NIBAN3: variants seen among roughly 807,000 people sequenced by gnomAD.
NIBAN3 encodes the protein niban apoptosis regulator 3.
Under a neutral mutation model 76.4 loss-of-function variants are expected in NIBAN3, and 66 were observed. The ratio of observed to expected loss-of-function variants is 0.86; its 90% CI spans 0.71 to 1.06. The LOEUF (loss-of-function observed/expected upper bound fraction) is 1.06, where lower values mean the gene tolerates loss of function less well. Ranked by LOEUF, NIBAN3 falls within the 50% of genes least tolerant of loss-of-function variation. NIBAN3 has a pLI of 0.00. For synonymous variants in NIBAN3, 360 were observed against 355.2 expected (o/e 1.01, Z -0.15); for missense variants, 808 against 810.7 (o/e 1.00, Z 0.04).
intron 13 of NIBAN3, among the ~76,000 whole-genome samples, chr19:17,547,026 C>G (rs1004093789): frequency 6.6e-6 from 1 of 152,036 alleles, no homozygotes; most frequent in Admixed American, 6.6e-5. Flanking sequence ...TATAGGAGTT[C>G]TCAGGATGAG....
chr19:17,543,705 C>A, intron 12 of NIBAN3, 74 bp downstream of exon 12: 1 of 1,323,310 alleles, frequency 7.6e-7, no homozygotes, highest in Non-Finnish European at 1.0e-6. Context: ...CAAGAATGCT[C>A]TTTGAGGCTG....
chr19:17,529,465 G>A lies in NIBAN3; in HGVS notation c.56-1290G>A, dbSNP rs1460006630. ...CTCCAGCCATTGGGTCCACATTCCG[G>A]GCAGCAGAATGGAACTATGTTTTAT... is the stretch of plus-strand genomic sequence containing the variant. On this transcript the variant is annotated intron_variant, in intron 1 of 14. Transcript: ENST00000599164. 2.0e-5 allele frequency among the ~76,000 whole-genome samples: 3 copies of A among 152,266 alleles called. No homozygotes were observed. The East Asian group carries it at 5.8e-4, about 29-fold the overall frequency.
intron 4 of NIBAN3, 100 bp downstream of exon 4, chr19:17,533,801 C>T (rs2075775640): frequency 2.3e-6 from 2 of 870,944 alleles, no homozygotes; most frequent in Non-Finnish European, 1.8e-6. Context: ...CCGTGTACAG[C>T]AGGGCAGTAA....
upstream of NIBAN3, among the ~76,000 whole-genome samples, chr19:17,525,319 CTCCCTCCG>C (rs1156325316): frequency 1.4e-5 from 2 of 148,012 alleles, no homozygotes; most frequent in African/African-American, 5.1e-5. Flanking sequence ...CATGCCCTCC[CTCCCTCCG>C]TCCCTCCCTT....
Position 17,540,457 on chromosome 19 carries a change from G to A in NIBAN3, c.1045G>A (p.Val349Met), listed in dbSNP as rs201443040. 713 of 1,586,350 alleles carry A rather than the reference G, an allele frequency of 4.5e-4. 3 individuals carry two copies. Among genetic ancestry groups the A allele is most frequent in the Middle Eastern group, 3.1e-3 (16 of 5,236 alleles). ...REVDPQLPRV[V>M]QTLLRTVEAS... is the part of the protein sequence containing the mutation. Reference sequence around the variant, plus strand: ...GGTGGACCCGCAGCTGCCCCGGGTCGTGCAGACCCTGCTGCGCACCGTGGA... The same window carrying A: ...GGTGGACCCGCAGCTGCCCCGGGTCATGCAGACCCTGCTGCGCACCGTGGA... Residue 349 changes from valine to methionine, a missense_variant, in exon 9 of 15, where the codon GTG becomes ATG. Transcript: ENST00000599164.
intron 14 of NIBAN3, among the ~76,000 whole-genome samples, chr19:17,550,925 T>C (rs1230688115): frequency 1.3e-5 from 2 of 149,008 alleles, no homozygotes; most frequent in Non-Finnish European, 3.0e-5. Flanking sequence ...TTAAAGTATG[T>C]GTGTTTGTCA....
upstream of NIBAN3, among the ~76,000 whole-genome samples, chr19:17,524,482 A>C (rs2075586652): frequency 6.6e-6 from 1 of 150,888 alleles, no homozygotes; most frequent in African/African-American, 2.4e-5. Context: ...ACAGGGTTTC[A>C]CCATGTTGGC....
At chr19:17,545,944 T>A in intron 12 of NIBAN3, 2 of 441,804 alleles carry the variant, frequency 4.5e-6, no homozygotes, top group Non-Finnish European at 9.1e-6. Context: ...TTTCCCGGTC[T>A]GCTAAGTAGC....
At position 17,542,838 on chromosome 19, in the gene NIBAN3, C is replaced by A. The variant is rs562181868; in HGVS notation, c.1330-479C>A. Reference sequence around the variant, plus strand: ...CATAGGGAGCACAGGCTGTTGGGGACAGGAAAAGAGGAGGCAGGGAGGAGG... The same window carrying A: ...CATAGGGAGCACAGGCTGTTGGGGAAAGGAAAAGAGGAGGCAGGGAGGAGG... On this transcript the variant is annotated intron_variant, in intron 10 of 14. Coordinates refer to ENST00000599164, the MANE Select transcript of NIBAN3 (RefSeq NM_001321827.2). This position sits in a 1 kb window ranked among gnomAD's most constrained non-coding sequence, Gnocchi z 4.8. Among the ~76,000 whole-genome samples the A allele has an allele frequency of 9.9e-5, 15 of 151,744 alleles. No individual in the cohort carries two copies. Among genetic ancestry groups the A allele is most frequent in the African/African-American group, 3.6e-4 (15 of 41,326 alleles).
downstream of NIBAN3, among the ~76,000 whole-genome samples, chr19:17,555,227 C>G (rs2076202161): frequency 6.6e-6 from 1 of 152,168 alleles, no homozygotes; most frequent in Admixed American, 6.6e-5. Context: ...TCTCCACAAC[C>G]CTCAATGACA....
intron 12 of NIBAN3, among the ~76,000 whole-genome samples, chr19:17,544,674 G>A (rs2076017711): frequency 6.6e-6 from 1 of 152,234 alleles, no homozygotes; most frequent in African/African-American, 2.4e-5. Flanking sequence ...CTGAAGCTCA[G>A]TGAGTGGAAG....
chr19:17,526,052 T>A (rs1209983378), upstream of NIBAN3, among the ~76,000 whole-genome samples: 5 of 145,526 alleles, frequency 3.4e-5, no homozygotes, highest in East Asian at 2.0e-4. Flanking sequence ...AGACACCGTT[T>A]AAAAAAAAAA....
intron 6 of NIBAN3, 23 bp from the exon 7 acceptor site, chr19:17,539,324 G>GC: frequency 6.4e-7 from 1 of 1,551,348 alleles, no homozygotes; most frequent in Non-Finnish European, 8.7e-7. Context: ...CGACCGCGGC[G>GC]CCCATGGCCC....
rs941741038 is a variant in NIBAN3 at position 17,538,533 on chromosome 19, G to A, written c.596-617G>A. 5.3e-5 allele frequency among the ~76,000 whole-genome samples: 8 copies of A among 151,948 alleles called. No homozygotes were observed. The South Asian group carries it at 1.2e-3, about 24-fold the overall frequency. On this transcript the variant is annotated intron_variant, in intron 5 of 14. Transcript: ENST00000599164. ...AGCTACTCAGGAGGCTTAGGTGGGAGGATCACTTGAGCCCAGGACTTGGAG... is the reference window on the plus strand; with the variant it reads ...AGCTACTCAGGAGGCTTAGGTGGGAAGATCACTTGAGCCCAGGACTTGGAG...
Position 17,552,014 on chromosome 19 carries a change from G to T in NIBAN3, c.*116G>T. The T allele has an allele frequency of 1.8e-6, 1 of 551,870 alleles. No individual in the cohort carries two copies. The highest frequency in any genetic ancestry group is 1.9e-5 in the African/African-American group (1 of 52,750). 34.2% of individuals were successfully genotyped at this position (551,870 alleles called of 1,614,324 possible). Reference sequence around the variant, plus strand: ...GTAACCCCTGCAACTTCAGAAAACTGTACCATTTTATACTCCAAGCAGCAG... The same window carrying T: ...GTAACCCCTGCAACTTCAGAAAACTTTACCATTTTATACTCCAAGCAGCAG... On this transcript the variant is annotated 3_prime_UTR_variant, in exon 15 of 15. Coordinates refer to ENST00000599164, the MANE Select transcript of NIBAN3 (RefSeq NM_001321827.2).
At chr19:17,527,512 A>G (rs1449932179) in intron 1 of NIBAN3, 117 bp downstream of exon 1, 6 of 1,030,214 alleles carry the variant, frequency 5.8e-6, no homozygotes, top group Non-Finnish European at 8.1e-6. Flanking sequence ...CTGTCAAAAC[A>G]CACAGGATGC....
At chr19:17,550,402 C>T (rs1599763201) in intron 14 of NIBAN3, among the ~76,000 whole-genome samples, 1 of 152,154 alleles carries the variant, frequency 6.6e-6, no homozygotes, top group South Asian at 2.1e-4. Flanking sequence ...CACAGTGGCT[C>T]ATGCCTGGAA....
chr19:17,534,155 GC>G (rs2075782198), intron 4 of NIBAN3, among the ~76,000 whole-genome samples: 1 of 151,998 alleles, frequency 6.6e-6, no homozygotes, highest in Non-Finnish European at 1.5e-5. Context: ...AGCCGAGATT[GC>G]CCCACTGCAC....
intron 12 of NIBAN3, 144 bp downstream of exon 12, chr19:17,543,775 A>G: frequency 1.6e-6 from 1 of 635,890 alleles, no homozygotes; most frequent in South Asian, 1.9e-5. Context: ...GGCAGATCAC[A>G]AGGTCAGGAG....
Sources: allele counts gnomAD v4.1 joint callset (sites outside exome capture counted in the v4.1 genomes callset), GRCh38; gene constraint gnomAD v4.1.1; non-coding constraint Gnocchi (gnomAD v3.1); transcripts MANE v1.5; gene names NCBI Gene and HGNC (gene_info 2026-07-23, HGNC 2026-07-21).